TEAD1: variants seen among roughly 807,000 people sequenced by gnomAD.
TEAD1 encodes TEA domain transcription factor 1.
In TEAD1, 9 loss-of-function variants were observed where a neutral mutation model predicts 54.9. The observed-to-expected ratio is 0.16, with a 90% CI of 0.10 to 0.29. TEAD1 has a LOEUF of 0.29. Ranked by LOEUF, TEAD1 falls within the 10% of genes least tolerant of loss-of-function variation. The pLI, the probability that TEAD1 is intolerant of heterozygous loss-of-function variation, is 1.00. For synonymous variants in TEAD1, 200 were observed against 187.8 expected, an observed-to-expected ratio of 1.07 and a Z score of -0.53; for missense variants, 387 against 535.9, an observed-to-expected ratio of 0.72 and a Z score of 2.74.
intron 3 of TEAD1, among the ~76,000 whole-genome samples, chr11:12,765,095 G>T (rs555249566): frequency 2.6e-5 from 4 of 152,106 alleles, no homozygotes; most frequent in South Asian, 4.2e-4. Flanking sequence ...TTCTTTGGGG[G>T]TTGCCTTGAA....
chr11:12,791,286 T>A (rs200336830), intron 3 of TEAD1, among the ~76,000 whole-genome samples: 1 of 152,228 alleles, frequency 6.6e-6, no homozygotes, highest in South Asian at 2.1e-4. Context: ...GCAGGGCTTC[T>A]GTAGAAACCT....
chr11:12,885,826 A>G (rs1470528836), intron 9 of TEAD1, among the ~76,000 whole-genome samples: 3 of 152,204 alleles, frequency 2.0e-5, no homozygotes, highest in Admixed American at 2.0e-4. Context: ...TGGGCTAAAC[A>G]TTTTGAATCA....
intron 3 of TEAD1, among the ~76,000 whole-genome samples, chr11:12,794,284 G>A (rs2241857): frequency 0.5 from 75,297 of 152,072 alleles, 21,119 homozygotes; most frequent in East Asian, 0.7. Flanking sequence ...TCTGGTCTAT[G>A]TCATGTTCAT....
chr11:12,724,578 C>T (rs541716325), intron 2 of TEAD1, among the ~76,000 whole-genome samples: 1 of 152,342 alleles, frequency 6.6e-6, no homozygotes, highest in African/African-American at 2.4e-5. Flanking sequence ...ATAAAATGCG[C>T]GTGCACACGC....
intron 2 of TEAD1, among the ~76,000 whole-genome samples, chr11:12,738,709 A>G (rs910084250): frequency 6.6e-6 from 1 of 152,118 alleles, no homozygotes; most frequent in Non-Finnish European, 1.5e-5. Flanking sequence ...AATTTTCTGT[A>G]TTTACTTGCC....
chr11:12,756,523 A>G (rs1321772318), intron 2 of TEAD1, among the ~76,000 whole-genome samples: 1 of 152,230 alleles, frequency 6.6e-6, no homozygotes, highest in Non-Finnish European at 1.5e-5. Context: ...TGCAAAAGCA[A>G]TTAACCATTA....
intron 3 of TEAD1, among the ~76,000 whole-genome samples, chr11:12,772,912 A>G (rs1945341798): frequency 1.3e-5 from 2 of 152,218 alleles, no homozygotes; most frequent in Non-Finnish European, 2.9e-5. Context: ...AATACAGAAC[A>G]GCTCCAACAC....
chr11:12,715,694 G>A (rs1944044735), intron 2 of TEAD1, among the ~76,000 whole-genome samples: 1 of 151,982 alleles, frequency 6.6e-6, no homozygotes, highest in South Asian at 2.1e-4. Context: ...TTGTAGATGG[G>A]CTTATCAGAT....
intron 2 of TEAD1, among the ~76,000 whole-genome samples, chr11:12,737,603 C>A (rs1025767851): frequency 6.6e-6 from 1 of 152,130 alleles, no homozygotes; most frequent in African/African-American, 2.4e-5. Flanking sequence ...AGTTGCAGCT[C>A]TATATTCTGG....
rs185302720 is a variant in TEAD1, at chr11:12,865,124, T to A, written c.330+224T>A. ...GTGTGTTTGCGTGTGTGTGTGCGTG[T>A]GTATGTGTGTGTTCCTAATAACAAT... On this transcript the variant is annotated intron_variant, in intron 5 of 12. Coordinates refer to ENST00000527636, the MANE Select transcript of TEAD1 (RefSeq NM_021961.6). 2.2e-5 allele frequency: 13 copies of A among 604,390 alleles called. No individual in the cohort carries two copies. The African/African-American group carries it at 2.2e-4, about 10-fold the overall frequency. The allele number at this position is 604,390 out of a possible 1,614,324, so 37.4% of individuals were successfully genotyped here. A position where few individuals can be genotyped will look rare whatever the true frequency, so the allele number is the denominator to read the frequency against.
chr11:12,778,860 A>G lies in TEAD1; in HGVS notation c.202+14426A>G, dbSNP rs539170239. ...AGGATGTTTTCTGTTAGATTGTTTT[A>G]TCTTGAGAAACCACCTGGTGAAACA... On this transcript the variant is annotated intron_variant, in intron 3 of 12. Transcript: ENST00000527636. Among the ~76,000 whole-genome samples, 5 of 152,310 alleles carry G rather than the reference A, an allele frequency of 3.3e-5. No individual in the cohort carries two copies. In the South Asian group the frequency reaches 1.0e-3, roughly 32 times the overall value.
At chr11:12,845,624 T>C (rs1866705) in intron 3 of TEAD1, among the ~76,000 whole-genome samples, 107,977 of 152,150 alleles carry the variant, frequency 0.71, 38,570 homozygotes, top group East Asian at 0.77. Context: ...ACTTGAGCAC[T>C]TGCACCTGGC....
chr11:12,851,448 A>G (rs571187848), intron 3 of TEAD1, among the ~76,000 whole-genome samples: 1 of 152,330 alleles, frequency 6.6e-6, no homozygotes, highest in African/African-American at 2.4e-5. Flanking sequence ...TATTATCTAT[A>G]TGTATCTCAA....
At chr11:12,757,767 C>CT (rs1352595749) in intron 2 of TEAD1, among the ~76,000 whole-genome samples, 1 of 152,064 alleles carries the variant, frequency 6.6e-6, no homozygotes. Context: ...TTGGTTCATT[C>CT]TTTTTTTATT....
chr11:12,749,280 C>T (rs1338131493), intron 2 of TEAD1, among the ~76,000 whole-genome samples: 2 of 152,082 alleles, frequency 1.3e-5, no homozygotes, highest in African/African-American at 2.4e-5. Flanking sequence ...GCCATTTGTA[C>T]GTGTAATTGG....
At chr11:12,861,456 G>C (rs532471261) in intron 3 of TEAD1, among the ~76,000 whole-genome samples, 1 of 152,018 alleles carries the variant, frequency 6.6e-6, no homozygotes, top group Non-Finnish European at 1.5e-5. Context: ...GTCATTGTCC[G>C]GCTTCCGTGG....
intron 9 of TEAD1, among the ~76,000 whole-genome samples, chr11:12,885,697 CT>C (rs1385788965): frequency 6.6e-6 from 1 of 152,128 alleles, no homozygotes; most frequent in Non-Finnish European, 1.5e-5. Context: ...TAAAAATTCT[CT>C]TTTTTTAAAA....
chr11:12,761,051 A>G (rs1054553752), intron 2 of TEAD1, among the ~76,000 whole-genome samples: 3 of 152,186 alleles, frequency 2.0e-5, no homozygotes, highest in African/African-American at 7.2e-5. Flanking sequence ...GTTGACGAAA[A>G]ATGGCAAGAG....
chr11:12,799,533 AAAAT>A (rs1488936378), intron 3 of TEAD1, among the ~76,000 whole-genome samples: 1 of 152,222 alleles, frequency 6.6e-6, no homozygotes, highest in African/African-American at 2.4e-5. Flanking sequence ...ACACCCACTA[AAAAT>A]AAATCTCCTA....
Sources: gnomAD v4.1 joint callset for allele counts (sites outside exome capture counted in the v4.1 genomes callset) on GRCh38, gnomAD v4.1.1 for gene constraint, MANE v1.5 for transcripts, NCBI Gene and HGNC (gene_info 2026-07-23, HGNC 2026-07-21) for gene names.